MPHOSPH8: variants seen among roughly 807,000 people sequenced by gnomAD.
The protein encoded by MPHOSPH8 is M-phase phosphoprotein, mpp.
A neutral mutation model predicts 87.3 loss-of-function variants in MPHOSPH8; 45 were observed. The ratio of observed to expected loss-of-function variants is 0.52; its 90% CI spans 0.41 to 0.66. The LOEUF (loss-of-function observed/expected upper bound fraction) is 0.66. MPHOSPH8 is among the 30% of genes least tolerant of loss of function. MPHOSPH8 has a pLI of 0.00. For synonymous variants in MPHOSPH8, 366 were observed against 376.9 expected, an observed-to-expected ratio of 0.97 and a Z score of 0.33; for missense variants, 883 against 1,020.2, an observed-to-expected ratio of 0.87 and a Z score of 1.83.
chr13:19,638,679 T>C (rs944083108), intron 1 of MPHOSPH8, among the ~76,000 whole-genome samples: 1 of 152,122 alleles, frequency 6.6e-6, no homozygotes, highest in African/African-American at 2.4e-5. Flanking sequence ...TTCTACTCAG[T>C]GCTTGTACTT....
chr13:19,662,353 G>A (rs1295034216), intron 8 of MPHOSPH8, among the ~76,000 whole-genome samples: 1 of 152,030 alleles, frequency 6.6e-6, no homozygotes, highest in Admixed American at 6.6e-5. Context: ...TCAAACTCCT[G>A]GACTCAAGCA....
Position 19,671,222 on chromosome 13 carries a change from A to T in MPHOSPH8, c.2474A>T (p.Tyr825Phe). The T allele has an allele frequency of 5.0e-6, 8 of 1,613,816 alleles. No individual in the cohort carries two copies. Among genetic ancestry groups the T allele is most frequent in the Non-Finnish European group, 6.8e-6 (8 of 1,179,960 alleles). ...LPVFLDSHFV[Y>F]SFSPVAGPNK... The stretch of plus-strand genomic sequence containing the variant: ...CCATTGTAGGACAGTCATTTTGTTT[A>T]CTCATTCAGCCCTGTTGCAGGTCCC... The change falls in exon 13 of 14, where the codon TAC becomes TTC. Residue 825 changes from tyrosine (Y) to phenylalanine (F), a missense_variant. By Grantham distance (22) the Tyr-to-Phe change is conservative. This residue lies in a region of MPHOSPH8 where 741 missense variants were observed against 841.5 expected (regional missense o/e 0.88). Coordinates refer to ENST00000361479, the MANE Select transcript of MPHOSPH8 (RefSeq NM_017520.4).
intron 1 of MPHOSPH8, among the ~76,000 whole-genome samples, chr13:19,639,254 T>G (rs1415889149): frequency 6.6e-6 from 1 of 151,574 alleles, no homozygotes; most frequent in Admixed American, 6.6e-5. Flanking sequence ...TTGCGACTCC[T>G]CCTGAGCAGG....
intron 11 of MPHOSPH8, among the ~76,000 whole-genome samples, chr13:19,668,778 T>C (rs1169791434): frequency 6.6e-6 from 1 of 151,106 alleles, no homozygotes; most frequent in Non-Finnish European, 1.5e-5. Flanking sequence ...TCTCAATGAG[T>C]TTTATTAAAA....
chr13:19,671,799 T>G (rs762749155), intron 13 of MPHOSPH8, 35 bp from the exon 14 acceptor site: 2 of 1,607,312 alleles, frequency 1.2e-6, no homozygotes, highest in African/African-American at 1.3e-5. Context: ...GAAATCTGGA[T>G]CTGTACTGAC....
At chr13:19,634,683 C>A (rs1873898216) in intron 1 of MPHOSPH8, among the ~76,000 whole-genome samples, 1 of 152,142 alleles carries the variant, frequency 6.6e-6, no homozygotes, top group Non-Finnish European at 1.5e-5. Flanking sequence ...CTCATCTCTG[C>A]TCTTTTTACT....
chr13:19,642,101 A>G lies in MPHOSPH8; in HGVS notation c.214-14A>G, dbSNP rs1161527728. ...CAATCTGCTTTATTTGCCTCCTTTTATTTTCTATAACAGGGTAAAGTTCTT... is the reference window on the plus strand; with the variant it reads ...CAATCTGCTTTATTTGCCTCCTTTTGTTTTCTATAACAGGGTAAAGTTCTT... On this transcript the variant is annotated splice_polypyrimidine_tract_variant and intron_variant, in intron 1 of 13. Coordinates refer to ENST00000361479, the MANE Select transcript of MPHOSPH8 (RefSeq NM_017520.4). 7 of 1,231,072 alleles carry G rather than the reference A, an allele frequency of 5.7e-6. No homozygotes were observed. The highest frequency in any genetic ancestry group is 7.1e-6 in the Non-Finnish European group (7 of 981,898). The allele number at this position is 1,231,072 out of a possible 1,614,324, so 76.3% of individuals were successfully genotyped here. A position where few individuals can be genotyped will look rare whatever the true frequency, so the allele number is the denominator to read the frequency against.
rs550657834 is a variant in MPHOSPH8 at position 19,672,214 on chromosome 13, G to A, written c.*339G>A. On this transcript the variant is annotated 3_prime_UTR_variant, in exon 14 of 14. Coordinates refer to ENST00000361479, the MANE Select transcript of MPHOSPH8 (RefSeq NM_017520.4). ...GGCTGGAGTGCAATGGTGCGATCTC[G>A]GCTCACTGCAAGCTCTGCCTCCTGG... 1.3e-4 allele frequency: 29 copies of A among 216,918 alleles called. No individual in the cohort carries two copies. The South Asian group carries it at 1.9e-3, about 15-fold the overall frequency. The allele number at this position is 216,918 out of a possible 1,614,324, so 13.4% of individuals were successfully genotyped here. A position where few individuals can be genotyped will look rare whatever the true frequency, so the allele number is the denominator to read the frequency against.
intron 1 of MPHOSPH8, among the ~76,000 whole-genome samples, chr13:19,639,413 C>T (rs545509802): frequency 6.6e-6 from 1 of 151,902 alleles, no homozygotes; most frequent in East Asian, 2.0e-4. Flanking sequence ...TGGGTTCAAG[C>T]GATTCTCCTG....
intron 1 of MPHOSPH8, among the ~76,000 whole-genome samples, chr13:19,636,509 T>C (rs1467452007): frequency 6.6e-6 from 1 of 151,678 alleles, no homozygotes; most frequent in Admixed American, 6.6e-5. Flanking sequence ...TTGAGACAGA[T>C]TCTCTGTTGC....
chr13:19,636,869 A>C (rs1318542184), intron 1 of MPHOSPH8, among the ~76,000 whole-genome samples: 1 of 152,174 alleles, frequency 6.6e-6, no homozygotes, highest in Non-Finnish European at 1.5e-5. Context: ...TGGCTCACTG[A>C]TTAAAGGAAA....
At chr13:19,635,585 T>G (rs1247775067) in intron 1 of MPHOSPH8, among the ~76,000 whole-genome samples, 1 of 152,210 alleles carries the variant, frequency 6.6e-6, no homozygotes. Flanking sequence ...AAGATGATTC[T>G]CATTCATACA....
intron 11 of MPHOSPH8, among the ~76,000 whole-genome samples, chr13:19,668,976 C>T (rs1443626915): frequency 6.6e-6 from 1 of 152,156 alleles, no homozygotes; most frequent in East Asian, 1.9e-4. Context: ...CTGCGGCTGG[C>T]CCTCTCTACA....
chr13:19,657,121 CA>C (rs11383127), intron 5 of MPHOSPH8, among the ~76,000 whole-genome samples: 717 of 70,040 alleles, frequency 0.01, 8 homozygotes, highest in African/African-American at 0.042. Context: ...AACTCTGTCT[CA>C]AAAAAAAAAA....
intron 12 of MPHOSPH8, among the ~76,000 whole-genome samples, chr13:19,670,610 G>C (rs975105641): frequency 1.3e-5 from 2 of 152,026 alleles, no homozygotes; most frequent in African/African-American, 4.8e-5. Context: ...GCATTGTTCT[G>C]AATATAAATA....
In MPHOSPH8 at chr13:19,633,754, G is replaced by T. The variant is rs548773739; in HGVS notation, c.6G>T (p.Glu2Asp). 15 of 1,593,838 alleles carry T rather than the reference G, an allele frequency of 9.4e-6. No homozygotes were observed. In the South Asian group the frequency reaches 1.5e-4, roughly 16 times the overall value. Residue 2 changes from glutamate to aspartate, a missense_variant, in exon 1 of 14, where the codon GAG becomes GAT. Transcript: ENST00000361479. M[E>D]QVAEGARVTA... The stretch of plus-strand genomic sequence containing the variant: ...CGGTTTGCGGAGCTGCTAGGATGGA[G>T]CAGGTTGCGGAGGGAGCAAGGGTGA...
In MPHOSPH8 at chr13:19,663,021, C is replaced by T. The variant is rs1207489502; in HGVS notation, c.1933-19C>T. On this transcript the variant is annotated intron_variant, in intron 8 of 13. Transcript: ENST00000361479. ...TAAATAATTTGGGAAATTAAATTTGCCTTTTTTTCTTTTCATAGAACTTTT... is the reference window on the plus strand; with the variant it reads ...TAAATAATTTGGGAAATTAAATTTGTCTTTTTTTCTTTTCATAGAACTTTT... The T allele has an allele frequency of 6.4e-7, 1 of 1,574,194 alleles. No homozygotes were observed. Among genetic ancestry groups the T allele is most frequent in the Non-Finnish European group, 8.7e-7 (1 of 1,150,290 alleles).
intron 1 of MPHOSPH8, among the ~76,000 whole-genome samples, chr13:19,638,100 CAAAA>C (rs56291104): frequency 7.6e-6 from 1 of 132,346 alleles, no homozygotes; most frequent in East Asian, 2.3e-4. Flanking sequence ...GACTCCATCT[CAAAA>C]AAAAAAAAAA....
At chr13:19,661,605 A>G (rs926469421) in intron 7 of MPHOSPH8, 93 bp from the exon 8 acceptor site, 43 of 1,362,332 alleles carry the variant, frequency 3.2e-5, no homozygotes, top group Non-Finnish European at 4.2e-5. Flanking sequence ...CCTATTAGTG[A>G]TTTCACATTG....
Sources: allele counts gnomAD v4.1 joint callset (sites outside exome capture counted in the v4.1 genomes callset), GRCh38; gene constraint gnomAD v4.1.1; regional missense constraint gnomAD v4.1.1; transcripts MANE v1.5; gene names NCBI Gene and HGNC (gene_info 2026-07-23, HGNC 2026-07-21).